HIVEP3: variants seen among roughly 807,000 people sequenced by gnomAD.
HIVEP3 encodes the protein HIVEP zinc finger 3.
HIVEP3 carries 49 observed loss-of-function variants against 152.8 expected under a neutral mutation model. The observed-to-expected ratio is 0.32, with a 90% CI of 0.26 to 0.41. The LOEUF is 0.41. Among genes scored for constraint, HIVEP3 ranks in the 10% least tolerant of loss-of-function variants. The pLI, the probability that HIVEP3 is intolerant of heterozygous loss-of-function variation, is 1.00. For synonymous variants in HIVEP3, 1,269 were observed against 1,289.0 expected (o/e 0.98, Z 0.33); for missense variants, 2,790 against 3,103.3 (o/e 0.90, Z 2.40).
intron 2 of HIVEP3, among the ~76,000 whole-genome samples, chr1:41,678,012 G>A (rs1191367555): frequency 1.3e-5 from 2 of 152,176 alleles, no homozygotes; most frequent in Admixed American, 6.5e-5. Flanking sequence ...TCTCTGTGCT[G>A]GGCTGTCTGA....
chr1:41,857,684 TC>T, intron 1 of HIVEP3, among the ~76,000 whole-genome samples: 1 of 152,268 alleles, frequency 6.6e-6, no homozygotes, highest in Non-Finnish European at 1.5e-5. Context: ...GAGGTATGCA[TC>T]CTCATGCCCA....
At position 41,865,263 on chromosome 1, in the gene HIVEP3, T is replaced by C. The variant is rs559375348; in HGVS notation, c.-801+53150A>G. Among the ~76,000 whole-genome samples the C allele has an allele frequency of 7.2e-5, 11 of 152,324 alleles. No individual in the cohort carries two copies. In the East Asian group the frequency reaches 7.7e-4, roughly 11 times the overall value. On this transcript the variant is annotated intron_variant, in intron 1 of 8. Coordinates refer to ENST00000372583, the MANE Select transcript of HIVEP3 (RefSeq NM_024503.5). ...AAGATTAGGAGCAATAAGGATCAGA[T>C]GGGACAGACAGGAGATCTGGTCCTA...
chr1:41,513,363 T>G lies in HIVEP3; in HGVS notation c.5858A>C (p.Asp1953Ala). ...CTTGTAGCTCAAGGCTGAGCCTGTGTCTTTCTCCACAGAGCCCAGAGGGGC... is the reference window on the plus strand; with the variant it reads ...CTTGTAGCTCAAGGCTGAGCCTGTGGCTTTCTCCACAGAGCCCAGAGGGGC... ...GPAPLGSVEK[D>A]TGSALSYKPV... Residue 1953 changes from aspartate (D) to alanine (A), a missense_variant, in exon 8 of 9, where the codon GAC becomes GCC. Physicochemically the swap from Asp to Ala is moderately radical, Grantham distance 126. Coordinates refer to ENST00000372583, the MANE Select transcript of HIVEP3 (RefSeq NM_024503.5). The G allele has an allele frequency of 6.2e-7, 1 of 1,612,582 alleles. No homozygotes were observed. Among genetic ancestry groups the G allele is most frequent in the Non-Finnish European group, 8.5e-7 (1 of 1,179,804 alleles).
intron 1 of HIVEP3, among the ~76,000 whole-genome samples, chr1:41,839,597 C>T (rs1266948407): frequency 1.3e-5 from 2 of 152,194 alleles, no homozygotes; most frequent in African/African-American, 2.4e-5. Context: ...AATCGCAGGG[C>T]CCAGGGCGTG....
At chr1:41,896,217 G>A (rs551404886) in intron 1 of HIVEP3, among the ~76,000 whole-genome samples, 2 of 152,278 alleles carry the variant, frequency 1.3e-5, no homozygotes, top group East Asian at 3.9e-4. Flanking sequence ...TAAAAACAAT[G>A]TCTACCACAA....
intron 5 of HIVEP3, among the ~76,000 whole-genome samples, chr1:41,527,078 TCA>T (rs1230099335): frequency 8.6e-4 from 42 of 48,626 alleles, no homozygotes; most frequent in Admixed American, 1.2e-3. Context: ...ATGCTCATCC[TCA>T]CACACACCCA....
rs142713300 is a variant in HIVEP3, at chr1:41,730,288, T to G, written c.-800-29293A>C. On this transcript the variant is annotated intron_variant, in intron 1 of 8. Transcript: ENST00000372583. Reference sequence around the variant, plus strand: ...GGGCCTCTGCCCCTCACCTGTGGCCTTGAACAGGTCACTTCTCCCCTCAAG... The same window carrying G: ...GGGCCTCTGCCCCTCACCTGTGGCCGTGAACAGGTCACTTCTCCCCTCAAG... Among the ~76,000 whole-genome samples, 117 of 152,372 alleles carry G rather than the reference T, an allele frequency of 7.7e-4. 1 individual carries two copies. The East Asian group carries it at 0.02, about 26-fold the overall frequency.
Position 41,918,043 on chromosome 1 carries a change from T to TGCAGAGCCCA in HIVEP3, c.-801+360_-801+369dup, listed in dbSNP as rs1407277466. 3.9e-5 allele frequency among the ~76,000 whole-genome samples: 6 copies of TGCAGAGCCCA among 152,108 alleles called. No individual in the cohort carries two copies. The highest frequency in any genetic ancestry group is 7.4e-5 in the Non-Finnish European group (5 of 67,988). On this transcript the variant is annotated intron_variant, in intron 1 of 8. Transcript: ENST00000372583. The surrounding 1 kb of genome is among the most constrained non-coding windows in gnomAD (Gnocchi z 4.3). ...ATGGAGCCGGCCGCCAGTGCGCGGG[T>TGCAGAGCCCA]GCAGAGCCCAGCAGAGCCTGCTGCA...
chr1:41,816,679 CAAACA>C (rs561438485), intron 1 of HIVEP3, among the ~76,000 whole-genome samples: 1 of 152,132 alleles, frequency 6.6e-6, no homozygotes, highest in African/African-American at 2.4e-5. Context: ...ACTTCAGCCT[CAAACA>C]AAACAAAACA....
chr1:41,630,651 A>T (rs1002527045), intron 2 of HIVEP3, among the ~76,000 whole-genome samples: 4 of 152,160 alleles, frequency 2.6e-5, no homozygotes, highest in Admixed American at 1.3e-4. Flanking sequence ...AGTCTTGTCA[A>T]CACCTTGAAT....
rs533272799 is a variant in HIVEP3 at position 41,800,352 on chromosome 1, C to T, written c.-800-99357G>A. Reference sequence around the variant, plus strand: ...TTAAGAGGCATGGCAGGCTTGCTTCCGCATTCCTGGAGTCCTGAGCCTGCC... The same window carrying T: ...TTAAGAGGCATGGCAGGCTTGCTTCTGCATTCCTGGAGTCCTGAGCCTGCC... On this transcript the variant is annotated intron_variant, in intron 1 of 8. Transcript: ENST00000372583. 8.8e-4 allele frequency among the ~76,000 whole-genome samples: 134 copies of T among 152,294 alleles called. 3 individuals carry two copies. In the South Asian group the frequency reaches 0.018, roughly 20 times the overall value.
chr1:41,978,121 T>C (rs909437102), intron 1 of HIVEP3, among the ~76,000 whole-genome samples: 7 of 152,216 alleles, frequency 4.6e-5, no homozygotes, highest in South Asian at 2.1e-4. Flanking sequence ...TTATAGAATG[T>C]ATTAGTTTAC....
At chr1:41,838,233 A>G (rs1389824290) in intron 1 of HIVEP3, among the ~76,000 whole-genome samples, 4 of 152,152 alleles carry the variant, frequency 2.6e-5, no homozygotes, top group Admixed American at 2.6e-4. Context: ...TTGCAACACT[A>G]TATTATATCA....
At chr1:41,991,491 T>C (rs1336807070) in intron 1 of HIVEP3, among the ~76,000 whole-genome samples, 3 of 150,102 alleles carry the variant, frequency 2.0e-5, no homozygotes, top group Admixed American at 6.6e-5. Flanking sequence ...GGATCTGAAA[T>C]TGTGGCAATA....
At chr1:41,985,947 A>C (rs982120394) in intron 1 of HIVEP3, among the ~76,000 whole-genome samples, 5 of 152,220 alleles carry the variant, frequency 3.3e-5, no homozygotes, top group Non-Finnish European at 7.3e-5. Flanking sequence ...GTTTTAAAAA[A>C]AAAGATCCAC....
rs141758600 is a variant in HIVEP3 at position 41,600,603 on chromosome 1, T to G, written c.-521-15285A>C. On this transcript the variant is annotated intron_variant, in intron 3 of 8. Transcript: ENST00000372583. ...GGTATACAGTTTCAGCTTTTCAGAATGAAAAGTAATCTAGAGATTGGTTGC... is the reference window on the plus strand; with the variant it reads ...GGTATACAGTTTCAGCTTTTCAGAAGGAAAAGTAATCTAGAGATTGGTTGC... Among the ~76,000 whole-genome samples the G allele has an allele frequency of 1.5e-4, 23 of 152,306 alleles. No homozygotes were observed. In the East Asian group the frequency reaches 4.4e-3, roughly 29 times the overall value.
chr1:42,017,014 C>T (rs1267667128), intron 1 of HIVEP3, among the ~76,000 whole-genome samples: 2 of 151,904 alleles, frequency 1.3e-5, no homozygotes, highest in Non-Finnish European at 2.9e-5. Flanking sequence ...ATGAGAGTAC[C>T]CTTTCACCAA....
chr1:41,553,679 T>C (rs1322238003), intron 5 of HIVEP3, among the ~76,000 whole-genome samples: 1 of 152,142 alleles, frequency 6.6e-6, no homozygotes, highest in Non-Finnish European at 1.5e-5. Flanking sequence ...TCAGGAGCTC[T>C]TGTAAGGCAG....
intron 1 of HIVEP3, among the ~76,000 whole-genome samples, chr1:41,960,217 G>T (rs1345646606): frequency 6.6e-6 from 1 of 152,182 alleles, no homozygotes; most frequent in Non-Finnish European, 1.5e-5. Flanking sequence ...AGCAGACAAG[G>T]AAGATGATGA....
Sources: allele counts gnomAD v4.1 joint callset (sites outside exome capture counted in the v4.1 genomes callset), GRCh38; gene constraint gnomAD v4.1.1; non-coding constraint Gnocchi (gnomAD v3.1); transcripts MANE v1.5; gene names NCBI Gene and HGNC (gene_info 2026-07-23, HGNC 2026-07-21).